Variants in LRRN2 observed in about 807,000 individuals in gnomAD.
LRRN2 encodes leucine-rich repeat neuronal protein 2.
LRRN2 carries 10 observed loss-of-function variants against 35.7 expected under a neutral mutation model. The ratio of observed to expected loss-of-function variants is 0.28; its 90% confidence interval spans 0.17 to 0.47. The LOEUF (loss-of-function observed/expected upper bound fraction) is 0.47, where lower values mean the gene tolerates loss of function less well. Ranked by LOEUF, LRRN2 falls within the 20% of genes least tolerant of loss-of-function variation. LRRN2 has a pLI of 0.99. For synonymous variants in LRRN2, 391 were observed against 409.6 expected, an observed-to-expected ratio of 0.95 and a Z score of 0.55; for missense variants, 731 against 940.3, an observed-to-expected ratio of 0.78 and a Z score of 2.91.
At chr1:204,651,985 C>T (rs993077824) in intron 1 of LRRN2, among the ~76,000 whole-genome samples, 10 of 152,216 alleles carry the variant, frequency 6.6e-5, no homozygotes, top group African/African-American at 9.7e-5. Context: ...TCCCAGTGCC[C>T]GGGTACCAGG....
chr1:204,663,745 C>T (rs1668516652), intron 1 of LRRN2: 1 of 152,224 alleles, frequency 6.6e-6, no homozygotes, highest in Non-Finnish European at 1.5e-5. Flanking sequence ...TATCCATTCT[C>T]TGCTCCCTGC....
At chr1:204,668,209 TG>T (rs2102623421) in intron 1 of LRRN2, among the ~76,000 whole-genome samples, 1 of 152,280 alleles carries the variant, frequency 6.6e-6, no homozygotes, top group African/African-American at 2.4e-5. Context: ...TGGTGGTGTT[TG>T]TTTGTGGTGC....
intron 1 of LRRN2, among the ~76,000 whole-genome samples, chr1:204,632,379 C>T (rs1667727441): frequency 6.6e-6 from 1 of 151,666 alleles, no homozygotes; most frequent in African/African-American, 2.4e-5. Context: ...ACCTGTAATC[C>T]CAGCACTTTG....
At position 204,617,251 on chromosome 1, in the gene LRRN2, C is replaced by T. The variant is rs1014339685; in HGVS notation, c.*600G>A. On this transcript the variant is annotated 3_prime_UTR_variant, in exon 2 of 2. Transcript: ENST00000367177. Reference sequence around the variant, plus strand: ...TACAAAACAGGAGAAAAGAGTGAATCGGGTTGGGGGAGGTGACACATTTCT... The same window carrying T: ...TACAAAACAGGAGAAAAGAGTGAATTGGGTTGGGGGAGGTGACACATTTCT... 1 of 152,500 alleles carries T rather than the reference C, an allele frequency of 6.6e-6. No homozygotes were observed. Among genetic ancestry groups the T allele is most frequent in the East Asian group, 1.9e-4 (1 of 5,196 alleles). 9.4% of individuals were successfully genotyped at this position (152,500 alleles called of 1,614,324 possible).
intron 1 of LRRN2, among the ~76,000 whole-genome samples, chr1:204,671,126 G>A (rs908138722): frequency 1.3e-5 from 2 of 152,122 alleles, no homozygotes; most frequent in Non-Finnish European, 2.9e-5. Context: ...AGGGAAGGAG[G>A]AGAGGACTGG....
intron 1 of LRRN2, among the ~76,000 whole-genome samples, chr1:204,632,650 C>A (rs772378870): frequency 2.2e-5 from 3 of 135,696 alleles, no homozygotes; most frequent in Non-Finnish European, 3.1e-5. Context: ...AAAAAAAATT[C>A]GCCACGCGCA....
chr1:204,657,339 T>TACACACACACACACACAC (rs1285210348), intron 1 of LRRN2, among the ~76,000 whole-genome samples: 2 of 124,294 alleles, frequency 1.6e-5, no homozygotes, highest in African/African-American at 3.0e-5. Context: ...TATATGTATA[T>TACACACACACACACACAC]ATACACACAC....
intron 1 of LRRN2, among the ~76,000 whole-genome samples, chr1:204,662,935 A>T (rs1251533799): frequency 6.6e-6 from 1 of 152,162 alleles, no homozygotes; most frequent in Non-Finnish European, 1.5e-5. Flanking sequence ...GAGCTGGAAA[A>T]AAAAAGGCCT....
intron 1 of LRRN2, among the ~76,000 whole-genome samples, chr1:204,651,999 C>A (rs1462777902): frequency 6.6e-6 from 1 of 152,234 alleles, no homozygotes; most frequent in African/African-American, 2.4e-5. Context: ...TACCAGGTGC[C>A]TGCTGTGGCT....
At chr1:204,629,403 TAC>T (rs1219441993) in intron 1 of LRRN2, 1 of 152,490 alleles carries the variant, frequency 6.6e-6, no homozygotes, top group Non-Finnish European at 1.5e-5. Flanking sequence ...GAAAATGTGC[TAC>T]ATATACACTG....
intron 1 of LRRN2, among the ~76,000 whole-genome samples, chr1:204,676,602 C>T (rs889995355): frequency 5.9e-5 from 9 of 152,066 alleles, no homozygotes; most frequent in South Asian, 4.1e-4. Flanking sequence ...ATCACAGCCC[C>T]GGTGTTTTAT....
chr1:204,625,196 T>TC (rs1230063993), intron 1 of LRRN2, among the ~76,000 whole-genome samples: 1 of 152,176 alleles, frequency 6.6e-6, no homozygotes, highest in African/African-American at 2.4e-5. Context: ...TTGGGCAAAG[T>TC]ACTTAACCTT....
chr1:204,619,392 C>T lies in LRRN2; in HGVS notation c.601G>A (p.Val201Ile). Residue 201 changes from valine to isoleucine, a missense_variant, in exon 2 of 2, where the codon GTA (valine) becomes ATA (isoleucine). Val to Ile is a conservative substitution (Grantham distance 29). This residue lies in a region of LRRN2 where 246 missense variants were observed against 289.5 expected (regional missense o/e 0.85). Coordinates refer to ENST00000367177, the MANE Select transcript of LRRN2 (RefSeq NM_201630.2). ...AAGTTCATGTCCAGGATGGCATCTACCTTGTTGCCGCCAATCATGAGTATC... is the reference window on the plus strand; with the variant it reads ...AAGTTCATGTCCAGGATGGCATCTATCTTGTTGCCGCCAATCATGAGTATC... ...LEILMIGGNKVDAILDMNFRP... is the reference protein window; with the variant it reads ...LEILMIGGNKIDAILDMNFRP... The T allele has an allele frequency of 6.2e-7, 1 of 1,614,192 alleles. No individual in the cohort carries two copies. The highest frequency in any genetic ancestry group is 8.5e-7 in the Non-Finnish European group (1 of 1,180,010).
intron 1 of LRRN2, among the ~76,000 whole-genome samples, chr1:204,636,832 A>C (rs1424588660): frequency 6.6e-6 from 1 of 152,190 alleles, no homozygotes; most frequent in African/African-American, 2.4e-5. Flanking sequence ...TCAATCTCTG[A>C]GTAGGGTCCA....
intron 1 of LRRN2, among the ~76,000 whole-genome samples, chr1:204,653,484 T>TA (rs1668278096): frequency 6.6e-6 from 1 of 152,242 alleles, no homozygotes; most frequent in African/African-American, 2.4e-5. Context: ...GGAACTGTTC[T>TA]AAGCACTTTA....
intron 1 of LRRN2, chr1:204,629,327 TACC>T (rs1454090245): frequency 6.6e-6 from 1 of 152,404 alleles, no homozygotes; most frequent in African/African-American, 2.4e-5. Flanking sequence ...GACCAGGCTC[TACC>T]ACCAACTCAA....
chr1:204,641,601 T>G (rs781158167), intron 1 of LRRN2, among the ~76,000 whole-genome samples: 8 of 151,498 alleles, frequency 5.3e-5, no homozygotes, highest in Non-Finnish European at 7.3e-5. Context: ...GAGAGTAGTA[T>G]TATATTTACT....
At chr1:204,651,733 T>A (rs1464426469) in intron 1 of LRRN2, among the ~76,000 whole-genome samples, 1 of 152,214 alleles carries the variant, frequency 6.6e-6, no homozygotes, top group Admixed American at 6.5e-5. Context: ...AGGGAAGTTC[T>A]GTCGGACACA....
chr1:204,645,959 G>A (rs1308264497), intron 1 of LRRN2, among the ~76,000 whole-genome samples: 2 of 152,292 alleles, frequency 1.3e-5, no homozygotes, highest in East Asian at 3.9e-4. Flanking sequence ...TGGGTGGGGA[G>A]AGAGAGCCAA....
Sources: allele counts gnomAD v4.1 joint callset (sites outside exome capture counted in the v4.1 genomes callset), GRCh38; gene constraint gnomAD v4.1.1; regional missense constraint gnomAD v4.1.1; transcripts MANE v1.5; gene names NCBI Gene and HGNC (gene_info 2026-07-23, HGNC 2026-07-21).